The following SLC25A20 variants were observed in gnomAD, a reference collection of about 807,000 sequenced individuals.
SLC25A20 encodes the protein mitochondrial carnitine/acylcarnitine carrier protein.
A neutral mutation model predicts 39.7 loss-of-function variants in SLC25A20; 29 were observed. The ratio of observed to expected loss-of-function variants is 0.73; its 90% CI spans 0.54 to 1.00. The LOEUF (loss-of-function observed/expected upper bound fraction) is 1.00, where lower values mean the gene tolerates loss of function less well. SLC25A20 is among the 50% of genes least tolerant of loss of function. The pLI is 0.00. For synonymous variants in SLC25A20, 103 were observed against 142.2 expected (o/e 0.72, Z 1.96); for missense variants, 333 against 379.9 (o/e 0.88, Z 1.03).
At chr3:48,873,617 C>CAAATA (rs201642477) in intron 4 of SLC25A20, among the ~76,000 whole-genome samples, 1,632 of 149,014 alleles carry the variant, frequency 0.011, 12 homozygotes, top group Middle Eastern at 0.021. Flanking sequence ...TTAAAAAAAA[C>CAAATA]AAATAAAATA....
chr3:48,889,718 T>C (rs992103349), intron 2 of SLC25A20, among the ~76,000 whole-genome samples: 1 of 152,166 alleles, frequency 6.6e-6, no homozygotes, highest in Non-Finnish European at 1.5e-5. Context: ...ACAAACTGTT[T>C]CACTATAATA....
At chr3:48,858,176 C>T (rs2083594914) in intron 8 of SLC25A20, among the ~76,000 whole-genome samples, 1 of 151,962 alleles carries the variant, frequency 6.6e-6, no homozygotes, top group African/African-American at 2.4e-5. Flanking sequence ...CCATGTTGGC[C>T]AAGCTGGTCT....
At chr3:48,886,431 G>T (rs961974393) in intron 2 of SLC25A20, among the ~76,000 whole-genome samples, 6 of 152,042 alleles carry the variant, frequency 3.9e-5, no homozygotes, top group African/African-American at 1.4e-4. Flanking sequence ...GGCTGAGGCA[G>T]GAGGATCGCT....
intron 1 of SLC25A20, among the ~76,000 whole-genome samples, chr3:48,894,519 C>T (rs570527293): frequency 2.0e-5 from 3 of 151,764 alleles, no homozygotes; most frequent in South Asian, 2.1e-4. Flanking sequence ...GTGATCCACC[C>T]GCCTCGGCCT....
At chr3:48,894,852 T>C (rs1415508860) in intron 1 of SLC25A20, among the ~76,000 whole-genome samples, 1 of 152,216 alleles carries the variant, frequency 6.6e-6, no homozygotes, top group African/African-American at 2.4e-5. Flanking sequence ...AGAGTTTCAC[T>C]CATTGCCCAG....
intron 1 of SLC25A20, among the ~76,000 whole-genome samples, chr3:48,894,032 G>A (rs1433593160): frequency 4.0e-5 from 6 of 150,498 alleles, no homozygotes; most frequent in East Asian, 2.0e-4. Context: ...GTGGTGGCAC[G>A]CACCTGTAAT....
intron 4 of SLC25A20, among the ~76,000 whole-genome samples, chr3:48,872,065 G>T (rs1559666860): frequency 7.5e-6 from 1 of 133,392 alleles, no homozygotes; most frequent in Non-Finnish European, 1.5e-5. Flanking sequence ...ATGGGCTCAA[G>T]CAATCCACCA....
rs540233282 is a variant in SLC25A20 at position 48,861,730 on chromosome 3, AAATAAT to A, written c.535+806_535+811del. Among the ~76,000 whole-genome samples, 465 of 151,596 alleles carry A rather than the reference AAATAAT, an allele frequency of 3.1e-3. 2 individuals are homozygous for A. Among genetic ancestry groups the A allele is most frequent in the African/African-American group, 0.011 (453 of 41,306 alleles). ...TGACAGAGCAAGACTCTGTCTCAAAAAATAATAATAATAAGGCCGGGTGCGGTGGCT... is the reference window on the plus strand; with the variant it reads ...TGACAGAGCAAGACTCTGTCTCAAAAAATAATAAGGCCGGGTGCGGTGGCT... On this transcript the variant is annotated intron_variant, in intron 5 of 8. Transcript: ENST00000319017.
intron 4 of SLC25A20, among the ~76,000 whole-genome samples, chr3:48,871,691 C>T (rs947892611): frequency 1.3e-5 from 2 of 149,922 alleles, no homozygotes; most frequent in Non-Finnish European, 1.5e-5. Context: ...CGCTTGAACC[C>T]GGGAGGCAGA....
At chr3:48,863,976 C>T (rs2106638906) in intron 4 of SLC25A20, among the ~76,000 whole-genome samples, 1 of 151,728 alleles carries the variant, frequency 6.6e-6, no homozygotes, top group South Asian at 2.1e-4. Flanking sequence ...GATCGTGCCA[C>T]TGCACACCAG....
chr3:48,876,754 A>G (rs1447506894), intron 4 of SLC25A20, among the ~76,000 whole-genome samples: 2 of 152,002 alleles, frequency 1.3e-5, no homozygotes, highest in Admixed American at 6.6e-5. Flanking sequence ...TTTAAAAAAA[A>G]TTATAGAAAT....
intron 3 of SLC25A20, among the ~76,000 whole-genome samples, chr3:48,883,229 T>C (rs1475300267): frequency 6.8e-6 from 1 of 147,932 alleles, no homozygotes; most frequent in African/African-American, 2.5e-5. Context: ...TTAAAAAAAT[T>C]AAAAACTCAA....
intron 1 of SLC25A20, among the ~76,000 whole-genome samples, chr3:48,896,956 C>T (rs2083913612): frequency 6.6e-6 from 1 of 152,088 alleles, no homozygotes; most frequent in African/African-American, 2.4e-5. Context: ...TGTTCTAACG[C>T]ACCACCTTCC....
At chr3:48,894,770 G>T (rs2083900617) in intron 1 of SLC25A20, among the ~76,000 whole-genome samples, 1 of 152,122 alleles carries the variant, frequency 6.6e-6, no homozygotes, top group Non-Finnish European at 1.5e-5. Context: ...AACCACAATA[G>T]ATAACTGATA....
At chr3:48,895,357 C>G (rs1205328009) in intron 1 of SLC25A20, among the ~76,000 whole-genome samples, 2 of 152,070 alleles carry the variant, frequency 1.3e-5, no homozygotes, top group African/African-American at 4.8e-5. Flanking sequence ...TGGTCACCTG[C>G]TCTTGAACTC....
rs1559674191 is a variant in SLC25A20, at chr3:48,898,805, T to C, written c.-11A>G. On this transcript the variant is annotated 5_prime_UTR_variant, in exon 1 of 9. Transcript: ENST00000319017. ...TGGCTGGTCGGCCATGGTCAGTCCG[T>C]CTGTCACTCCGTCTGTCAGTTCTCG... The C allele has an allele frequency of 1.3e-6, 2 of 1,556,764 alleles. No individual in the cohort carries two copies. Among genetic ancestry groups the C allele is most frequent in the African/African-American group, 2.7e-5 (2 of 73,332 alleles).
chr3:48,866,974 T>C (rs1327553179), intron 4 of SLC25A20, among the ~76,000 whole-genome samples: 1 of 151,876 alleles, frequency 6.6e-6, no homozygotes, highest in Admixed American at 6.6e-5. Flanking sequence ...CTTGTATTTT[T>C]AGTAGAGATG....
At chr3:48,867,937 T>G (rs1367464516) in intron 4 of SLC25A20, among the ~76,000 whole-genome samples, 1 of 151,728 alleles carries the variant, frequency 6.6e-6, no homozygotes, top group Admixed American at 6.6e-5. Context: ...GGTGCATGCC[T>G]GTAATCCCGG....
In SLC25A20 at chr3:48,898,828, T is replaced by C; in HGVS notation, c.-34A>G. Reference sequence around the variant, plus strand: ...CGTCTGTCACTCCGTCTGTCAGTTCTCGGGCCGTCCTGGCTTCTCAGCCCC... The same window carrying C: ...CGTCTGTCACTCCGTCTGTCAGTTCCCGGGCCGTCCTGGCTTCTCAGCCCC... On this transcript the variant is annotated 5_prime_UTR_variant, in exon 1 of 9. Transcript: ENST00000319017. 6 of 1,544,730 alleles carry C rather than the reference T, an allele frequency of 3.9e-6. No homozygotes were observed. In the South Asian group the frequency reaches 6.0e-5, roughly 15 times the overall value.
Sources: gnomAD v4.1 joint callset for allele counts (sites outside exome capture counted in the v4.1 genomes callset) on GRCh38, gnomAD v4.1.1 for gene constraint, MANE v1.5 for transcripts, NCBI Gene and HGNC (gene_info 2026-07-23, HGNC 2026-07-21) for gene names.